Variants in SUN2 observed in about 807,000 individuals in gnomAD.
The protein encoded by SUN2 is Sad1 and UNC84 domain containing 2.
A neutral mutation model predicts 100.0 loss-of-function variants in SUN2; 60 were observed. The ratio of observed to expected loss-of-function variants is 0.60; its 90% CI spans 0.49 to 0.74. SUN2 has a LOEUF of 0.74. Ranked by LOEUF, SUN2 falls within the 30% of genes least tolerant of loss-of-function variation. The probability of loss-of-function intolerance (pLI) is 0.00; values close to 1 mark genes in which losing one functional copy is unlikely to be tolerated. For missense variants in SUN2, 834 were observed against 954.6 expected (o/e 0.87, Z 1.66); for synonymous variants, 367 against 403.3 (o/e 0.91, Z 1.08).
In SUN2 at chr22:38,739,358, G is replaced by T; in HGVS notation, c.1647C>A (p.Tyr549Ter). Residue 549 changes from tyrosine (Y) to a stop codon, truncating the protein, a stop_gained, in exon 14 of 18, where the codon TAC (tyrosine) becomes TAA (stop). Coordinates refer to ENST00000689035, the MANE Select transcript of SUN2 (RefSeq NM_015374.3). LOFTEE classifies it high-confidence loss of function. The surrounding 1 kb of genome is among the most constrained non-coding windows in gnomAD (Gnocchi z 6.7). ...YSEDRIGLADYALESGGASVI... is the reference protein window; with the variant it reads ...YSEDRIGLAD ...AGCACGTACCTCCTGACTCCAGGGC[G>T]TAGTCTGCCAGCCCGATGCGGTCCT... 6.2e-7 allele frequency: 1 copy of T among 1,613,104 alleles called. No homozygotes were observed. Among genetic ancestry groups the T allele is most frequent in the Non-Finnish European group, 8.5e-7 (1 of 1,180,014 alleles).
Position 38,751,391 on chromosome 22 carries a change from G to A in SUN2, c.123-18C>T. 1 of 1,612,476 alleles carries A rather than the reference G, an allele frequency of 6.2e-7. No individual in the cohort carries two copies. Among genetic ancestry groups the A allele is most frequent in the Non-Finnish European group, 8.5e-7 (1 of 1,179,904 alleles). ...TCAAGGTCCTGTGGGACAACCATGA[G>A]GGCAGAGGTAGGGAGCAGGGAGGTG... is the stretch of plus-strand genomic sequence containing the variant. On this transcript the variant is annotated intron_variant, in intron 2 of 17. Coordinates refer to ENST00000689035, the MANE Select transcript of SUN2 (RefSeq NM_015374.3).
intron 1 of SUN2, chr22:38,754,559 T>C: frequency 9.2e-7 from 1 of 1,082,038 alleles, no homozygotes; most frequent in Non-Finnish European, 1.2e-6. Context: ...AAGCAGGAAG[T>C]TGGCCTGGGT....
In SUN2 at chr22:38,745,696, C is replaced by T. The variant is rs374425217; in HGVS notation, c.801G>A (p.Ser267=). The change falls in exon 8 of 18, where the codon TCG becomes TCA. Residue 267 remains serine (S), a synonymous_variant. Transcript: ENST00000689035. ...PDEGWEARDS[S]PHFQAEQRVM... is the part of the protein sequence containing the mutation. ...CTCAGAGACTCACCTGGAAATGTGG[C>T]GATGAGTCTCTGGCTTCCCAGCCCT... The T allele has an allele frequency of 3.5e-5, 56 of 1,613,688 alleles. No individual in the cohort carries two copies. Among genetic ancestry groups the T allele is most frequent in the African/African-American group, 9.3e-5 (7 of 75,056 alleles).
Position 38,739,824 on chromosome 22 carries a change from G to T in SUN2, c.1476C>A (p.Ile492=). The T allele has an allele frequency of 1.2e-6, 2 of 1,613,628 alleles. No homozygotes were observed. The highest frequency in any genetic ancestry group is 8.5e-7 in the Non-Finnish European group (1 of 1,180,034). Residue 492 remains isoleucine (I), a synonymous_variant, in exon 13 of 18, where the codon ATC becomes ATA. Coordinates refer to ENST00000689035, the MANE Select transcript of SUN2 (RefSeq NM_015374.3). This position sits in a 1 kb window ranked among gnomAD's most constrained non-coding sequence, Gnocchi z 6.7. ...CCTGCATCTCTGCCACATGGGTGAG[G>T]ATCTTGCTCTCCAGCTCTCGCAGCT... The part of the protein sequence containing the change: ...QAQLRELESK[I]LTHVAEMQGK...
At chr22:38,745,632 C>T (rs545836704) in intron 8 of SUN2, 52 bp downstream of exon 8, 32 of 1,600,608 alleles carry the variant, frequency 2.0e-5, no homozygotes, top group African/African-American at 1.1e-4. Flanking sequence ...CCACTTTCAC[C>T]GTCACCTAAT....
In SUN2 at chr22:38,736,140, T is replaced by C. The variant is rs955253521; in HGVS notation, c.*127A>G. 20 of 930,236 alleles carry C rather than the reference T, an allele frequency of 2.1e-5. No individual in the cohort carries two copies. Among genetic ancestry groups the C allele is most frequent in the Admixed American group, 4.0e-5 (2 of 50,076 alleles). The allele number at this position is 930,236 out of a possible 1,614,324, so 57.6% of individuals were successfully genotyped here. A position where few individuals can be genotyped will look rare whatever the true frequency, so the allele number is the denominator to read the frequency against. On this transcript the variant is annotated 3_prime_UTR_variant, in exon 18 of 18. Transcript: ENST00000689035. ...GGAGACCCTGCCCGTCCTTTTCATCTGCATGGGGCCACAGGCTCCTCTCTT... is the reference window on the plus strand; with the variant it reads ...GGAGACCCTGCCCGTCCTTTTCATCCGCATGGGGCCACAGGCTCCTCTCTT...
In SUN2 at chr22:38,750,973, C is replaced by A. The variant is rs769749782; in HGVS notation, c.349G>T (p.Gly117Trp). Residue 117 changes from glycine to tryptophan, a missense_variant, in exon 4 of 18, where the codon GGG becomes TGG. Physicochemically the swap from Gly to Trp is radical, Grantham distance 184. This residue lies in a region of SUN2 where 559 missense variants were observed against 597.7 expected (regional missense o/e 0.94). Coordinates refer to ENST00000689035, the MANE Select transcript of SUN2 (RefSeq NM_015374.3). Reference protein sequence around the residue: ...TGGSESSRASGLVGRKATEDF... With the variant: ...TGGSESSRASWLVGRKATEDF... Reference sequence around the variant, plus strand: ...TCGGTGGCCTTGCGCCCCACAAGCCCGCTGGCCCTGCTGCTCTCTGAGCCA... The same window carrying A: ...TCGGTGGCCTTGCGCCCCACAAGCCAGCTGGCCCTGCTGCTCTCTGAGCCA... 2 of 1,613,744 alleles carry A rather than the reference C, an allele frequency of 1.2e-6. No homozygotes were observed. The highest frequency in any genetic ancestry group is 2.7e-5 in the African/African-American group (2 of 74,928).
rs549404842 is a variant in SUN2 at position 38,738,211 on chromosome 22, C to T, written c.2002G>A (p.Asp668Asn). ...GTCTGAATAGGCTCGCCGTCCTGATCGTAAGTGAACTTGCCAAGGAGTGTC... is the reference window on the plus strand; with the variant it reads ...GTCTGAATAGGCTCGCCGTCCTGATTGTAAGTGAACTTGCCAAGGAGTGTC... ...EGTLLGKFTY[D>N]QDGEPIQTFH... Residue 668 changes from aspartate to asparagine, a missense_variant, in exon 17 of 18, where the codon GAT becomes AAT. This residue lies in a region of SUN2 where 80 missense variants were observed against 76.7 expected (regional missense o/e 1.04). Coordinates refer to ENST00000689035, the MANE Select transcript of SUN2 (RefSeq NM_015374.3). This position sits in a 1 kb window ranked among gnomAD's most constrained non-coding sequence, Gnocchi z 6.6. 60 of 1,613,956 alleles carry T rather than the reference C, an allele frequency of 3.7e-5. No homozygotes were observed. Among genetic ancestry groups the T allele is most frequent in the Admixed American group, 6.7e-5 (4 of 60,016 alleles).
Position 38,739,541 on chromosome 22 carries a change from T to A in SUN2, c.1579-115A>T. Reference sequence around the variant, plus strand: ...GACCCCTTCTAGGCTTGCACTGTGCTGGTGCCCAGGCAGATGTGGGCACAC... The same window carrying A: ...GACCCCTTCTAGGCTTGCACTGTGCAGGTGCCCAGGCAGATGTGGGCACAC... On this transcript the variant is annotated intron_variant, in intron 13 of 17. Transcript: ENST00000689035. This position sits in a 1 kb window ranked among gnomAD's most constrained non-coding sequence, Gnocchi z 6.7. 2 of 1,360,328 alleles carry A rather than the reference T, an allele frequency of 1.5e-6. No homozygotes were observed. Among genetic ancestry groups the A allele is most frequent in the Non-Finnish European group, 2.1e-6 (2 of 972,200 alleles). The allele number at this position is 1,360,328 out of a possible 1,614,324, so 84.3% of individuals were successfully genotyped here. A position where few individuals can be genotyped will look rare whatever the true frequency, so the allele number is the denominator to read the frequency against.
intron 1 of SUN2, among the ~76,000 whole-genome samples, chr22:38,753,068 T>C (rs958778980): frequency 6.6e-6 from 1 of 152,166 alleles, no homozygotes; most frequent in Non-Finnish European, 1.5e-5. Context: ...CGCCCGGTGG[T>C]CCAGCCACCC....
At chr22:38,750,178 G>A (rs1368704033) in intron 5 of SUN2, 47 bp downstream of exon 5, 2 of 1,593,760 alleles carry the variant, frequency 1.3e-6, no homozygotes, top group African/African-American at 1.3e-5. Flanking sequence ...GGGTAAGAAA[G>A]CACTATCACC....
chr22:38,749,607 G>GGACA (rs2092927920), intron 6 of SUN2, among the ~76,000 whole-genome samples, 159 bp downstream of exon 6: 1 of 152,198 alleles, frequency 6.6e-6, no homozygotes, highest in Non-Finnish European at 1.5e-5. Flanking sequence ...CTGTCAGGCA[G>GGACA]GGGTGGGCTT....
intron 1 of SUN2, chr22:38,754,604 C>CGGGG: frequency 2.3e-6 from 1 of 437,634 alleles, no homozygotes; most frequent in Non-Finnish European, 4.5e-6. Context: ...AAGGTAATCT[C>CGGGG]CCCTCCCCCC....
rs543315946 is a variant in SUN2 at position 38,740,926 on chromosome 22, C to A, written c.1190+81G>T. ...AAGATGATCAGAACTCTCTGCTCTG[C>A]GGCTCTGCTCCCCAGTCCTGCCTGG... On this transcript the variant is annotated intron_variant, in intron 11 of 17. Coordinates refer to ENST00000689035, the MANE Select transcript of SUN2 (RefSeq NM_015374.3). This position sits in a 1 kb window ranked among gnomAD's most constrained non-coding sequence, Gnocchi z 4.8. 5.0e-6 allele frequency: 7 copies of A among 1,411,938 alleles called. No individual in the cohort carries two copies. The highest frequency in any genetic ancestry group is 3.7e-5 in the South Asian group (3 of 81,424). 87.5% of individuals were successfully genotyped at this position (1,411,938 alleles called of 1,614,324 possible). A position where few individuals can be genotyped will look rare whatever the true frequency, so the allele number is the denominator to read the frequency against.
At chr22:38,751,131 G>T in intron 3 of SUN2, 79 bp downstream of exon 3, 1 of 1,606,582 alleles carries the variant, frequency 6.2e-7, no homozygotes, top group Non-Finnish European at 8.5e-7. Flanking sequence ...GAATCCCGGG[G>T]ACTGCAGGGG....
chr22:38,738,577 A>G lies in SUN2; in HGVS notation c.1947+10T>C. ...AGCCCCTCTGGCCCCACCACAGGAC[A>G]GATACTCACAAAGATGGCGAAGTCC... On this transcript the variant is annotated intron_variant, in intron 16 of 17. Coordinates refer to ENST00000689035, the MANE Select transcript of SUN2 (RefSeq NM_015374.3). This position sits in a 1 kb window ranked among gnomAD's most constrained non-coding sequence, Gnocchi z 6.6. The G allele has an allele frequency of 2.5e-6, 4 of 1,611,220 alleles. No homozygotes were observed. The highest frequency in any genetic ancestry group is 3.4e-6 in the Non-Finnish European group (4 of 1,178,064).
chr22:38,739,990 G>T lies in SUN2; in HGVS notation c.1357-47C>A, dbSNP rs763103621. ...TCACCCTGGGGGGCTTGCAGGGACA[G>T]CAGGAGCTGCTATGACAGGGCTAGT... On this transcript the variant is annotated intron_variant, in intron 12 of 17. Coordinates refer to ENST00000689035, the MANE Select transcript of SUN2 (RefSeq NM_015374.3). The surrounding 1 kb of genome is among the most constrained non-coding windows in gnomAD (Gnocchi z 6.7). The T allele has an allele frequency of 2.0e-5, 32 of 1,582,052 alleles. No individual in the cohort carries two copies. In the East Asian group the frequency reaches 6.7e-4, roughly 33 times the overall value.
At position 38,755,707 on chromosome 22, in the gene SUN2, C is replaced by G. The variant is rs1011015464; in HGVS notation, c.-38+56G>C. The G allele has an allele frequency of 2.8e-5, 28 of 984,166 alleles. No homozygotes were observed. The highest frequency in any genetic ancestry group is 5.2e-4 in the Middle Eastern group (1 of 1,934). The allele number at this position is 984,166 out of a possible 1,614,324, so 61.0% of individuals were successfully genotyped here. A position where few individuals can be genotyped will look rare whatever the true frequency, so the allele number is the denominator to read the frequency against. ...CCGCCCGAGTGGCCCGACGGTGACCCGGGGTCAGGCCGGGCCGCGGCCCCC... is the reference window on the plus strand; with the variant it reads ...CCGCCCGAGTGGCCCGACGGTGACCGGGGGTCAGGCCGGGCCGCGGCCCCC... On this transcript the variant is annotated intron_variant, in intron 1 of 17. Coordinates refer to ENST00000689035, the MANE Select transcript of SUN2 (RefSeq NM_015374.3). This position sits in a 1 kb window ranked among gnomAD's most constrained non-coding sequence, Gnocchi z 5.7.
rs2092817212 is a variant in SUN2, at chr22:38,737,595, T to C, written c.2040+578A>G. On this transcript the variant is annotated intron_variant, in intron 17 of 17. Coordinates refer to ENST00000689035, the MANE Select transcript of SUN2 (RefSeq NM_015374.3). This position sits in a 1 kb window ranked among gnomAD's most constrained non-coding sequence, Gnocchi z 4.1. ...CTCTGTGGCCTCCTCTTCCTGCCAC[T>C]GTCCCTCGTCCACCTCCCACTATCC... Among the ~76,000 whole-genome samples the C allele has an allele frequency of 6.6e-6, 1 of 152,168 alleles. No homozygotes were observed. The highest frequency in any genetic ancestry group is 2.4e-5 in the African/African-American group (1 of 41,434).
Sources: allele counts gnomAD v4.1 joint callset (sites outside exome capture counted in the v4.1 genomes callset), GRCh38; gene constraint gnomAD v4.1.1; regional missense constraint gnomAD v4.1.1; non-coding constraint Gnocchi (gnomAD v3.1); transcripts MANE v1.5; gene names NCBI Gene and HGNC (gene_info 2026-07-23, HGNC 2026-07-21).